The following FGFR1OP2 variants were observed in gnomAD, a reference collection of about 807,000 sequenced individuals.
The protein encoded by FGFR1OP2 is FGFR1 oncogene partner 2, also known as fibroblast growth factor receptor 1 oncogene partner 2.
Under a neutral mutation model 35.2 loss-of-function variants are expected in FGFR1OP2, and 17 were observed. The ratio of observed to expected loss-of-function variants is 0.48; its 90% CI spans 0.33 to 0.73. The LOEUF is 0.73. Ranked by LOEUF, FGFR1OP2 falls within the 30% of genes least tolerant of loss-of-function variation. The probability of loss-of-function intolerance (pLI) is 0.02; values close to 1 mark genes in which losing one functional copy is unlikely to be tolerated. For missense variants in FGFR1OP2, 251 were observed against 307.3 expected (o/e 0.82, Z 1.37); for synonymous variants, 105 against 104.6 (o/e 1.00, Z -0.03).
chr12:26,955,895 C>T (rs1202761787), intron 2 of FGFR1OP2, among the ~76,000 whole-genome samples: 1 of 152,172 alleles, frequency 6.6e-6, no homozygotes, highest in Non-Finnish European at 1.5e-5. Context: ...GGATCTGCCA[C>T]ATTGTTTCCC....
intron 1 of FGFR1OP2, among the ~76,000 whole-genome samples, chr12:26,945,864 A>G (rs1434147016): frequency 1.9e-4 from 28 of 150,708 alleles, no homozygotes; most frequent in Non-Finnish European, 2.5e-4. Flanking sequence ...TCCGTCTCAA[A>G]AAAAAAAAAA....
rs780847728 is a variant in FGFR1OP2 at position 26,954,186 on chromosome 12, G to GC, written c.30dup (p.Asp11ArgfsTer3). On this transcript the variant is annotated frameshift_variant, in exon 2 of 7. Coordinates refer to ENST00000229395, the MANE Select transcript of FGFR1OP2 (RefSeq NM_015633.3). LOFTEE classifies it high-confidence loss of function. ...GAGTTGCACAATTGAGAAGGCACTT[G>GC]CCGACGCTAAAGCTCTTGTTGAAAG... The GC allele has an allele frequency of 6.2e-7, 1 of 1,605,950 alleles. No homozygotes were observed. Among genetic ancestry groups the GC allele is most frequent in the East Asian group, 2.2e-5 (1 of 44,744 alleles).
rs563659791 is a variant in FGFR1OP2 at position 26,949,516 on chromosome 12, G to A, written c.-14-4629G>A. 3.6e-4 allele frequency among the ~76,000 whole-genome samples: 55 copies of A among 152,102 alleles called. 1 individual carries two copies. Among genetic ancestry groups the A allele is most frequent in the African/African-American group, 9.2e-4 (38 of 41,496 alleles). On this transcript the variant is annotated intron_variant, in intron 1 of 6. Transcript: ENST00000229395. ...CTATCCAAGGTAAGTTTTCCCATTCGTGTTTAATATTGTGGCCATTTTTTT... is the reference window on the plus strand; with the variant it reads ...CTATCCAAGGTAAGTTTTCCCATTCATGTTTAATATTGTGGCCATTTTTTT...
In FGFR1OP2 at chr12:26,966,561, T is replaced by G. The variant is rs1939189447; in HGVS notation, c.*1828T>G. 5 of 149,044 alleles carry G rather than the reference T, an allele frequency of 3.4e-5. No homozygotes were observed. Among genetic ancestry groups the G allele is most frequent in the Admixed American group, 1.3e-4 (2 of 14,968 alleles). 9.2% of individuals were successfully genotyped at this position (149,044 alleles called of 1,614,324 possible). Reference sequence around the variant, plus strand: ...ATCCTATTTTTTTTTTTTTTTTGGTTGTTGTTAAACAGAACCTTAAGTTTA... The same window carrying G: ...ATCCTATTTTTTTTTTTTTTTTGGTGGTTGTTAAACAGAACCTTAAGTTTA... On this transcript the variant is annotated 3_prime_UTR_variant, in exon 7 of 7. Coordinates refer to ENST00000229395, the MANE Select transcript of FGFR1OP2 (RefSeq NM_015633.3).
Position 26,963,346 on chromosome 12 carries a change from T to G in FGFR1OP2, c.515T>G (p.Leu172Arg). 1 of 1,595,382 alleles carries G rather than the reference T, an allele frequency of 6.3e-7. No homozygotes were observed. The highest frequency in any genetic ancestry group is 8.5e-7 in the Non-Finnish European group (1 of 1,170,116). The change falls in exon 6 of 7, where the codon CTG becomes CGG. Residue 172 changes from leucine to arginine, a missense_variant. Leu to Arg is a moderately radical substitution (Grantham distance 102, BLOSUM62 -2). Coordinates refer to ENST00000229395, the MANE Select transcript of FGFR1OP2 (RefSeq NM_015633.3). ...RRHLEANQNE[L>R]QAHVDQITEM... ...ACTCCCATCCCTCTTTTTCAGGAACTGCAAGCACATGTTGACCAGATAACT... is the reference window on the plus strand; with the variant it reads ...ACTCCCATCCCTCTTTTTCAGGAACGGCAAGCACATGTTGACCAGATAACT...
intron 1 of FGFR1OP2, among the ~76,000 whole-genome samples, chr12:26,938,926 A>G (rs1258632910): frequency 6.6e-6 from 1 of 152,080 alleles, no homozygotes; most frequent in Non-Finnish European, 1.5e-5. Flanking sequence ...TGCGGTGCGG[A>G]AAGTTCAATG....
Position 26,963,391 on chromosome 12 carries a change from G to A in FGFR1OP2, c.560G>A (p.Arg187Lys). ...DQITEMAAVM[R>K]KAIEIDEQQG... ...ATAACTGAAATGGCAGCAGTAATGA[G>A]GAAAGCCATTGAAATTGACGAGCAA... The change falls in exon 6 of 7, where the codon AGG becomes AAG. Residue 187 changes from arginine (R) to lysine (K), a missense_variant. Transcript: ENST00000229395. The A allele has an allele frequency of 1.2e-6, 2 of 1,609,166 alleles. No individual in the cohort carries two copies. The highest frequency in any genetic ancestry group is 1.7e-6 in the Non-Finnish European group (2 of 1,177,012).
chr12:26,956,722 A>G (rs2046937), intron 3 of FGFR1OP2, 62 bp downstream of exon 3: 58,438 of 951,194 alleles, frequency 0.061, 2,561 homozygotes, highest in African/African-American at 0.17. Flanking sequence ...AATCGTATTT[A>G]TTGCTCTTTA....
intron 5 of FGFR1OP2, 69 bp downstream of exon 5, chr12:26,960,697 C>A (rs974815185): frequency 6.6e-7 from 1 of 1,525,614 alleles, no homozygotes; most frequent in African/African-American, 1.4e-5. Flanking sequence ...AGTGCTTTTA[C>A]ATTGAATTTC....
rs532685196 is a variant in FGFR1OP2, at chr12:26,940,262, G to C, written c.-15+1552G>C. On this transcript the variant is annotated intron_variant, in intron 1 of 6. Transcript: ENST00000229395. Reference sequence around the variant, plus strand: ...CATATGTATGTGAAACTTATATTCAGCCACAATTCTAAGGGAACGTGTAAT... The same window carrying C: ...CATATGTATGTGAAACTTATATTCACCCACAATTCTAAGGGAACGTGTAAT... Among the ~76,000 whole-genome samples the C allele has an allele frequency of 2.0e-5, 3 of 152,220 alleles. 1 individual carries two copies. The South Asian group carries it at 6.2e-4, about 32-fold the overall frequency.
Position 26,956,579 on chromosome 12 carries a change from A to C in FGFR1OP2, c.172A>C (p.Arg58=). 1 of 1,595,812 alleles carries C rather than the reference A, an allele frequency of 6.3e-7. No homozygotes were observed. The highest frequency in any genetic ancestry group is 8.5e-7 in the Non-Finnish European group (1 of 1,171,062). ...AATTCAAGAACTTAATGAAGTCGCGAGACATCGGCCACGGTCCACGTTAGT... is the reference window on the plus strand; with the variant it reads ...AATTCAAGAACTTAATGAAGTCGCGCGACATCGGCCACGGTCCACGTTAGT... ...EEIQELNEVA[R]HRPRSTLVMG... is the part of the protein sequence containing the mutation. Residue 58 remains arginine (R), a synonymous_variant, in exon 3 of 7, where the codon AGA becomes CGA. Coordinates refer to ENST00000229395, the MANE Select transcript of FGFR1OP2 (RefSeq NM_015633.3).
chr12:26,950,904 GC>G (rs1191292329), intron 1 of FGFR1OP2, among the ~76,000 whole-genome samples: 2 of 152,216 alleles, frequency 1.3e-5, no homozygotes, highest in African/African-American at 4.8e-5. Flanking sequence ...GGTAAAGGTT[GC>G]TGGATTAATA....
At chr12:26,960,064 GT>G (rs1939081225) in intron 4 of FGFR1OP2, among the ~76,000 whole-genome samples, 1 of 152,020 alleles carries the variant, frequency 6.6e-6, no homozygotes, top group Admixed American at 6.6e-5. Context: ...TTATGGGCAG[GT>G]AGGTAAACAA....
chr12:26,956,751 C>A (rs1032586263), intron 3 of FGFR1OP2, 91 bp downstream of exon 3: 41 of 569,750 alleles, frequency 7.2e-5, no homozygotes, highest in Admixed American at 8.9e-5. Context: ...CACATATGAA[C>A]ATCTGCCTGG....
chr12:26,940,377 C>A (rs1402535441), intron 1 of FGFR1OP2, among the ~76,000 whole-genome samples: 1 of 152,282 alleles, frequency 6.6e-6, no homozygotes, highest in Middle Eastern at 3.4e-3. Context: ...TTATACAGTT[C>A]CAAACATGTA....
At chr12:26,950,933 G>A (rs1483252661) in intron 1 of FGFR1OP2, among the ~76,000 whole-genome samples, 1 of 152,156 alleles carries the variant, frequency 6.6e-6, no homozygotes, top group Non-Finnish European at 1.5e-5. Context: ...ACAGTGAATG[G>A]TAATATGAAA....
chr12:26,950,940 G>A (rs1202897426), intron 1 of FGFR1OP2, among the ~76,000 whole-genome samples: 1 of 152,132 alleles, frequency 6.6e-6, no homozygotes, highest in Non-Finnish European at 1.5e-5. Context: ...ATGGTAATAT[G>A]AAAAAGAGAG....
In FGFR1OP2 at chr12:26,957,752, T is replaced by A. The variant is rs140545266; in HGVS notation, c.396+9T>A. ...AAGAGCAGCACTCCAAGGTAATCCA[T>A]TCTATAAATGTGACCTGAAATGGAA... On this transcript the variant is annotated intron_variant, in intron 4 of 6. Transcript: ENST00000229395. 3.1e-6 allele frequency: 5 copies of A among 1,606,216 alleles called. No individual in the cohort carries two copies. In the African/African-American group the frequency reaches 6.7e-5, roughly 22 times the overall value.
At chr12:26,951,710 T>C (rs1298458771) in intron 1 of FGFR1OP2, among the ~76,000 whole-genome samples, 2 of 152,224 alleles carry the variant, frequency 1.3e-5, no homozygotes, top group Non-Finnish European at 2.9e-5. Flanking sequence ...CTCAAAAAGA[T>C]TTATGATTAT....
Sources: gnomAD v4.1 joint callset for allele counts (sites outside exome capture counted in the v4.1 genomes callset) on GRCh38, gnomAD v4.1.1 for gene constraint, MANE v1.5 for transcripts, NCBI Gene and HGNC (gene_info 2026-07-23, HGNC 2026-07-21) for gene names.